Variants in DSCAM observed in about 807,000 individuals in gnomAD.
DSCAM encodes the protein DS cell adhesion molecule.
DSCAM carries 47 observed loss-of-function variants against 217.7 expected under a neutral mutation model. The observed-to-expected ratio is 0.22, with a 90% CI of 0.17 to 0.28. The LOEUF is 0.28. Ranked by LOEUF, DSCAM falls within the 10% of genes least tolerant of loss-of-function variation. The probability of loss-of-function intolerance (pLI) is 1.00; values close to 1 mark genes in which losing one functional copy is unlikely to be tolerated. For missense variants in DSCAM, 2,080 were observed against 2,618.3 expected, an observed-to-expected ratio of 0.79 and a Z score of 4.49; for synonymous variants, 1,056 against 1,015.3, an observed-to-expected ratio of 1.04 and a Z score of -0.76.
chr21:40,750,873 C>T (rs1376346293), intron 1 of DSCAM, among the ~76,000 whole-genome samples: 1 of 152,190 alleles, frequency 6.6e-6, no homozygotes, highest in Non-Finnish European at 1.5e-5. Flanking sequence ...CTGCTCCTTT[C>T]CCCATGTCCA....
At chr21:40,612,129 T>C (rs923521102) in intron 3 of DSCAM, among the ~76,000 whole-genome samples, 5 of 152,290 alleles carry the variant, frequency 3.3e-5, no homozygotes, top group East Asian at 1.9e-4. Flanking sequence ...CCTTGGAAGG[T>C]TGTACGCTTA....
At chr21:40,231,496 GCTTTT>G (rs1191725187) in intron 11 of DSCAM, among the ~76,000 whole-genome samples, 4 of 151,848 alleles carry the variant, frequency 2.6e-5, no homozygotes, top group Non-Finnish European at 4.4e-5. Flanking sequence ...GTTTTTCCAG[GCTTTT>G]CTTTTATTTC....
intron 3 of DSCAM, among the ~76,000 whole-genome samples, chr21:40,453,978 C>T (rs1044104681): frequency 3.3e-5 from 5 of 152,152 alleles, no homozygotes; most frequent in African/African-American, 4.8e-5. Flanking sequence ...CAACAGGGCC[C>T]TAACATGGGA....
rs1278275744 is a variant in DSCAM at position 40,364,973 on chromosome 21, T to A, written c.655+4126A>T. Reference sequence around the variant, plus strand: ...TCATACTTTTATTTTTCTCTTATACTGAAAATAAAAATAAAAATAACATAA... The same window carrying A: ...TCATACTTTTATTTTTCTCTTATACAGAAAATAAAAATAAAAATAACATAA... On this transcript the variant is annotated intron_variant, in intron 4 of 32. Coordinates refer to ENST00000400454, the MANE Select transcript of DSCAM (RefSeq NM_001389.5). Among the ~76,000 whole-genome samples the A allele has an allele frequency of 2.0e-5, 3 of 150,268 alleles. No homozygotes were observed. In the Admixed American group the frequency reaches 2.0e-4, roughly 10 times the overall value.
intron 1 of DSCAM, among the ~76,000 whole-genome samples, chr21:40,721,056 G>C (rs1174204510): frequency 2.6e-5 from 4 of 152,100 alleles, no homozygotes; most frequent in African/African-American, 9.7e-5. Context: ...CAGCAAAAGA[G>C]GTAAGAACTT....
intron 3 of DSCAM, among the ~76,000 whole-genome samples, chr21:40,574,484 G>C (rs2076833119): frequency 6.6e-6 from 1 of 152,070 alleles, no homozygotes; most frequent in South Asian, 2.1e-4. Context: ...TCTGATAAAG[G>C]GCATTTACAG....
At position 40,187,191 on chromosome 21, in the gene DSCAM, T is replaced by A. The variant is rs1284610247; in HGVS notation, c.2719A>T (p.Met907Leu). The A allele has an allele frequency of 6.2e-7, 1 of 1,614,212 alleles. No homozygotes were observed. The highest frequency in any genetic ancestry group is 1.7e-5 in the Admixed American group (1 of 60,030). The change falls in exon 14 of 33, where the codon ATG becomes TTG. Residue 907 changes from methionine (M) to leucine (L), a missense_variant. Coordinates refer to ENST00000400454, the MANE Select transcript of DSCAM (RefSeq NM_001389.5). Reference sequence around the variant, plus strand: ...ATGGGACTGTTTCCATCAAACCCCATGGTCCACCTGAGCGTAATTGTGCGT... The same window carrying A: ...ATGGGACTGTTTCCATCAAACCCCAAGGTCCACCTGAGCGTAATTGTGCGT... Reference protein sequence around the residue: ...KARTITLRWTMGFDGNSPITG... With the variant: ...KARTITLRWTLGFDGNSPITG...
chr21:40,278,724 G>A (rs1481442515), intron 10 of DSCAM, among the ~76,000 whole-genome samples: 1 of 151,904 alleles, frequency 6.6e-6, no homozygotes, highest in Non-Finnish European at 1.5e-5. Flanking sequence ...ACAAGTGGAA[G>A]AGGAGGAAGA....
chr21:40,593,680 A>C (rs529838322), intron 3 of DSCAM, among the ~76,000 whole-genome samples: 1 of 152,306 alleles, frequency 6.6e-6, no homozygotes, highest in East Asian at 1.9e-4. Context: ...ATTTAAAATT[A>C]TCTGAAAGCA....
chr21:40,309,499 C>T (rs574798467), intron 9 of DSCAM, among the ~76,000 whole-genome samples: 1 of 151,992 alleles, frequency 6.6e-6, no homozygotes, highest in Non-Finnish European at 1.5e-5. Context: ...CTGCTGATTC[C>T]TCCTTCTCTT....
intron 3 of DSCAM, among the ~76,000 whole-genome samples, chr21:40,501,125 A>C (rs2076167255): frequency 1.3e-5 from 2 of 152,194 alleles, no homozygotes; most frequent in African/African-American, 4.8e-5. Flanking sequence ...ACACCATTTC[A>C]ATCTAAATGT....
chr21:40,752,669 G>A (rs955689294), intron 1 of DSCAM, among the ~76,000 whole-genome samples: 1 of 151,994 alleles, frequency 6.6e-6, no homozygotes, highest in Admixed American at 6.6e-5. Context: ...CCTGGGCATC[G>A]GAGAAAGACC....
rs1269217990 is a variant in DSCAM at position 40,692,941 on chromosome 21, T to C, written c.377A>G (p.Tyr126Cys). Residue 126 changes from tyrosine to cysteine, a missense_variant, in exon 3 of 33, where the codon TAT becomes TGT. By Grantham distance (194) the Tyr-to-Cys change is radical. Coordinates refer to ENST00000400454, the MANE Select transcript of DSCAM (RefSeq NM_001389.5). ...VHIKAVLREP[Y>C]TVRVEDQKTM... Reference sequence around the variant, plus strand: ...TTTCTGGTCCTCCACACGGACTGTATAGGGCTCCCGTAAAACTGGAAGGCA... The same window carrying C: ...TTTCTGGTCCTCCACACGGACTGTACAGGGCTCCCGTAAAACTGGAAGGCA... 6 of 1,608,424 alleles carry C rather than the reference T, an allele frequency of 3.7e-6. No homozygotes were observed. Among genetic ancestry groups the C allele is most frequent in the Admixed American group, 1.7e-5 (1 of 59,916 alleles).
chr21:40,706,792 A>T (rs1248499749), intron 2 of DSCAM, among the ~76,000 whole-genome samples: 1 of 152,242 alleles, frequency 6.6e-6, no homozygotes, highest in African/African-American at 2.4e-5. Flanking sequence ...TATAACCATT[A>T]TGTGTTCACA....
chr21:40,605,704 G>A (rs759481711), intron 3 of DSCAM, among the ~76,000 whole-genome samples: 3 of 151,302 alleles, frequency 2.0e-5, no homozygotes, highest in Non-Finnish European at 4.4e-5. Flanking sequence ...GCCATCAGGG[G>A]CCAAGACATT....
At chr21:40,722,434 TAA>T (rs1245227473) in intron 1 of DSCAM, among the ~76,000 whole-genome samples, 1 of 152,130 alleles carries the variant, frequency 6.6e-6, no homozygotes, top group Non-Finnish European at 1.5e-5. Context: ...TTCTATAAAT[TAA>T]GTGGTATTAT....
intron 3 of DSCAM, among the ~76,000 whole-genome samples, chr21:40,414,013 CTG>C (rs1179717278): frequency 2.0e-5 from 3 of 152,144 alleles, no homozygotes; most frequent in South Asian, 2.1e-4. Flanking sequence ...AGAGCTGAAA[CTG>C]TAATATTTCT....
intron 11 of DSCAM, among the ~76,000 whole-genome samples, chr21:40,221,398 AATAT>A (rs1321591266): frequency 6.7e-6 from 1 of 148,882 alleles, no homozygotes; most frequent in Non-Finnish European, 1.5e-5. Context: ...ATATATGTAT[AATAT>A]ATAAATATAT....
At chr21:40,684,179 C>G (rs967445234) in intron 3 of DSCAM, among the ~76,000 whole-genome samples, 1 of 151,506 alleles carries the variant, frequency 6.6e-6, no homozygotes, top group Non-Finnish European at 1.5e-5. Context: ...GAGCCGAGAT[C>G]GCGTCACTGC....
Sources: gnomAD v4.1 joint callset for allele counts (sites outside exome capture counted in the v4.1 genomes callset) on GRCh38, gnomAD v4.1.1 for gene constraint, MANE v1.5 for transcripts, NCBI Gene and HGNC (gene_info 2026-07-23, HGNC 2026-07-21) for gene names.